MYO3B: variants seen among roughly 807,000 people sequenced by gnomAD.
MYO3B encodes myosin IIIB, also known as myosin-IIIb.
In MYO3B, 156 loss-of-function variants were observed where a neutral mutation model predicts 174.6. The observed-to-expected ratio is 0.89, with a 90% CI of 0.78 to 1.02. The LOEUF is 1.02. MYO3B is among the 50% of genes least tolerant of loss of function. The probability of loss-of-function intolerance (pLI) is 0.00; values close to 1 mark genes in which losing one functional copy is unlikely to be tolerated. For synonymous variants in MYO3B, 563 were observed against 569.1 expected, an observed-to-expected ratio of 0.99 and a Z score of 0.15; for missense variants, 1,632 against 1,639.4, an observed-to-expected ratio of 1.00 and a Z score of 0.08.
At chr2:170,232,255 G>A (rs2093023281) in intron 6 of MYO3B, among the ~76,000 whole-genome samples, 1 of 152,184 alleles carries the variant, frequency 6.6e-6, no homozygotes, top group African/African-American at 2.4e-5. Context: ...GAGAATGATA[G>A]TAGTGTTTTC....
At chr2:170,502,492 C>T (rs913679231) in intron 28 of MYO3B, among the ~76,000 whole-genome samples, 11 of 152,302 alleles carry the variant, frequency 7.2e-5, no homozygotes, top group African/African-American at 2.4e-4. Flanking sequence ...TTTTATGGCT[C>T]GGCTTGCTAT....
intron 25 of MYO3B, among the ~76,000 whole-genome samples, chr2:170,491,927 G>A (rs1686509845): frequency 6.6e-6 from 1 of 152,088 alleles, no homozygotes. Context: ...GGTGGCGCAT[G>A]CCTGCAATCC....
chr2:170,409,235 G>A (rs1379983217), intron 22 of MYO3B, among the ~76,000 whole-genome samples: 2 of 152,154 alleles, frequency 1.3e-5, no homozygotes, highest in Non-Finnish European at 2.9e-5. Flanking sequence ...GGACCACTAG[G>A]GGGCGCTATG....
chr2:170,262,039 A>G (rs1026536292), intron 7 of MYO3B, among the ~76,000 whole-genome samples: 3 of 152,226 alleles, frequency 2.0e-5, no homozygotes, highest in African/African-American at 7.2e-5. Context: ...TTGAAACTCC[A>G]TATTGTGACT....
intron 1 of MYO3B, among the ~76,000 whole-genome samples, chr2:170,182,302 A>G (rs1304459236): frequency 6.6e-6 from 1 of 152,176 alleles, no homozygotes; most frequent in Non-Finnish European, 1.5e-5. Context: ...GAAAGGAATG[A>G]GGTAGCAATC....
intron 23 of MYO3B, among the ~76,000 whole-genome samples, chr2:170,456,870 T>C (rs77956977): frequency 1.5e-3 from 222 of 152,334 alleles, no homozygotes; most frequent in African/African-American, 5.1e-3. Context: ...ATTGGGTGAT[T>C]TTTGTCGTCG....
At chr2:170,554,324 A>G (rs766691297) in intron 32 of MYO3B, among the ~76,000 whole-genome samples, 1 of 152,204 alleles carries the variant, frequency 6.6e-6, no homozygotes, top group African/African-American at 2.4e-5. Flanking sequence ...ATTTCCCTTG[A>G]AAGAATCAGG....
chr2:170,643,097 C>T (rs189074112), intron 32 of MYO3B, among the ~76,000 whole-genome samples: 72 of 151,874 alleles, frequency 4.7e-4, no homozygotes, highest in African/African-American at 1.7e-3. Flanking sequence ...AGTTGAACAA[C>T]TGGTATCATG....
At chr2:170,190,448 C>T (rs1042536608) in intron 1 of MYO3B, among the ~76,000 whole-genome samples, 32 of 152,128 alleles carry the variant, frequency 2.1e-4, no homozygotes, top group African/African-American at 7.2e-4. Flanking sequence ...GCAGCAAGAT[C>T]CCCCTGGTCC....
intron 17 of MYO3B, among the ~76,000 whole-genome samples, chr2:170,400,655 C>G (rs867354197): frequency 0.012 from 1,652 of 133,516 alleles, 39 homozygotes; most frequent in African/African-American, 0.041. Flanking sequence ...CACCCCCCCC[C>G]CCTCGGCCTC....
intron 8 of MYO3B, chr2:170,344,511 A>G (rs2094001889): frequency 6.6e-6 from 1 of 152,148 alleles, no homozygotes; most frequent in Non-Finnish European, 1.5e-5. Flanking sequence ...GCTTTCTGGC[A>G]GTTTCACACA....
In MYO3B at chr2:170,407,702, A is replaced by C; in HGVS notation, c.2521-13A>C. 1.2e-6 allele frequency: 2 copies of C among 1,613,484 alleles called. No homozygotes were observed. Among genetic ancestry groups the C allele is most frequent in the Non-Finnish European group, 1.7e-6 (2 of 1,179,594 alleles). Reference sequence around the variant, plus strand: ...TGACTTGGCTAATTTGCCGTTTGCTATTCATGTTACAGGTATTATATGATG... The same window carrying C: ...TGACTTGGCTAATTTGCCGTTTGCTCTTCATGTTACAGGTATTATATGATG... On this transcript the variant is annotated splice_polypyrimidine_tract_variant and intron_variant, in intron 21 of 34. Coordinates refer to ENST00000408978, the MANE Select transcript of MYO3B (RefSeq NM_138995.5).
chr2:170,652,007 T>C, intron 33 of MYO3B, 101 bp from the exon 34 acceptor site: 1 of 1,263,196 alleles, frequency 7.9e-7, no homozygotes, highest in Admixed American at 2.0e-5. Context: ...TGACTTCTGA[T>C]ATTATCAGCA....
intron 32 of MYO3B, among the ~76,000 whole-genome samples, chr2:170,568,286 C>T (rs1317716517): frequency 6.6e-6 from 1 of 152,174 alleles, no homozygotes; most frequent in Non-Finnish European, 1.5e-5. Context: ...ATACTATGCA[C>T]AATGCATTTG....
intron 8 of MYO3B, among the ~76,000 whole-genome samples, chr2:170,368,426 A>T (rs1558930171): frequency 6.6e-6 from 1 of 152,208 alleles, no homozygotes; most frequent in African/African-American, 2.4e-5. Context: ...ATTTCACTAG[A>T]AATTTCCCTG....
chr2:170,439,596 A>C (rs978422702), intron 22 of MYO3B, among the ~76,000 whole-genome samples: 41 of 152,146 alleles, frequency 2.7e-4, no homozygotes, highest in Non-Finnish European at 2.4e-4. Context: ...TTTATAGCCC[A>C]TGTTTTGGTT....
At chr2:170,638,510 T>C (rs1318401924) in intron 32 of MYO3B, among the ~76,000 whole-genome samples, 1 of 152,162 alleles carries the variant, frequency 6.6e-6, no homozygotes, top group Non-Finnish European at 1.5e-5. Context: ...GCAAAAGCAT[T>C]TATGTCAGTT....
intron 8 of MYO3B, chr2:170,343,943 T>C (rs775668385): frequency 5.9e-5 from 9 of 152,234 alleles, no homozygotes; most frequent in Non-Finnish European, 1.0e-4. Context: ...TTTAAAGAGT[T>C]AGGCTTTTAT....
At chr2:170,619,737 CTTTTTTTTT>C (rs71412032) in intron 32 of MYO3B, among the ~76,000 whole-genome samples, 38 of 50,778 alleles carry the variant, frequency 7.5e-4, no homozygotes, top group African/African-American at 2.6e-3. Context: ...CTGCCATATT[CTTTTTTTTT>C]TTTTTTTTTT....
Sources: allele counts gnomAD v4.1 joint callset (sites outside exome capture counted in the v4.1 genomes callset), GRCh38; gene constraint gnomAD v4.1.1; transcripts MANE v1.5; gene names NCBI Gene and HGNC (gene_info 2026-07-23, HGNC 2026-07-21).